The following AGAP1 variants were observed in gnomAD, a reference collection of about 807,000 sequenced individuals.
AGAP1 encodes the protein ArfGAP with GTPase domain, ankyrin repeat and PH domain 1, also known as arf-GAP with GTPase, ANK repeat and PH domain-containing protein 1.
AGAP1 carries 29 observed loss-of-function variants against 105.3 expected under a neutral mutation model. The observed-to-expected ratio is 0.28, with a 90% confidence interval of 0.21 to 0.38. The LOEUF (loss-of-function observed/expected upper bound fraction) is 0.38. Among genes scored for constraint, AGAP1 ranks in the 10% least tolerant of loss-of-function variants. AGAP1 has a pLI of 1.00. For missense variants in AGAP1, 998 were observed against 1,165.1 expected (o/e 0.86, Z 2.09); for synonymous variants, 509 against 485.9 (o/e 1.05, Z -0.63).
intron 6 of AGAP1, among the ~76,000 whole-genome samples, chr2:235,790,205 A>G (rs1956891322): frequency 6.6e-6 from 1 of 152,134 alleles, no homozygotes; most frequent in African/African-American, 2.4e-5. Context: ...CATTAAAGAA[A>G]TTTTCGGAGT....
At chr2:235,502,698 GC>G (rs1210923205) in intron 1 of AGAP1, among the ~76,000 whole-genome samples, 1 of 100,580 alleles carries the variant, frequency 9.9e-6, no homozygotes, top group African/African-American at 4.2e-5. Context: ...CTTTTTATTT[GC>G]CTTTTTTTTT....
chr2:236,041,573 T>C (rs542967707), intron 15 of AGAP1, among the ~76,000 whole-genome samples: 12 of 152,354 alleles, frequency 7.9e-5, no homozygotes, highest in African/African-American at 2.2e-4. Flanking sequence ...TAGGGACTTA[T>C]TTTCATGGTT....
rs1575276048 is a variant in AGAP1 at position 235,737,455 on chromosome 2, G to A, written c.311-3508G>A. ...TCCTTTTAGAGGCAATGAAAGTTGGGCCTGGAGTCCTTTGCTTGAGATCAC... is the reference window on the plus strand; with the variant it reads ...TCCTTTTAGAGGCAATGAAAGTTGGACCTGGAGTCCTTTGCTTGAGATCAC... On this transcript the variant is annotated intron_variant, in intron 3 of 17. Coordinates refer to ENST00000304032, the MANE Select transcript of AGAP1 (RefSeq NM_001037131.3). This position sits in a 1 kb window ranked among gnomAD's most constrained non-coding sequence, Gnocchi z 4.5. 6.6e-6 allele frequency among the ~76,000 whole-genome samples: 1 copy of A among 152,302 alleles called. No individual in the cohort carries two copies. The highest frequency in any genetic ancestry group is 1.9e-4 in the East Asian group (1 of 5,162).
At chr2:235,985,073 T>C (rs975980110) in intron 13 of AGAP1, among the ~76,000 whole-genome samples, 28 of 152,202 alleles carry the variant, frequency 1.8e-4, no homozygotes, top group Admixed American at 1.6e-3. Flanking sequence ...CCACCAACAG[T>C]GTAAAAGCAT....
chr2:235,708,918 G>T (rs1950685721), intron 1 of AGAP1, among the ~76,000 whole-genome samples: 1 of 152,182 alleles, frequency 6.6e-6, no homozygotes, highest in African/African-American at 2.4e-5. Context: ...AAAATGGAAA[G>T]TTCGATTTTC....
intron 13 of AGAP1, among the ~76,000 whole-genome samples, chr2:235,990,651 G>A (rs1016197626): frequency 2.0e-5 from 3 of 152,218 alleles, no homozygotes; most frequent in South Asian, 4.2e-4. Flanking sequence ...CTGTGACCTT[G>A]CCTCAGAGGA....
chr2:235,653,726 C>A (rs1947684968), intron 1 of AGAP1, among the ~76,000 whole-genome samples: 1 of 152,154 alleles, frequency 6.6e-6, no homozygotes, highest in African/African-American at 2.4e-5. Context: ...AGCCAGCCTA[C>A]ATGCAAGTTT....
chr2:235,809,136 CG>C (rs1957994179), intron 9 of AGAP1, among the ~76,000 whole-genome samples: 1 of 151,962 alleles, frequency 6.6e-6, no homozygotes, highest in African/African-American at 2.4e-5. Context: ...ACCAGCCTGG[CG>C]GGAGTCCCTC....
At chr2:235,776,173 A>G (rs892416408) in intron 6 of AGAP1, among the ~76,000 whole-genome samples, 1 of 152,174 alleles carries the variant, frequency 6.6e-6, no homozygotes, top group Non-Finnish European at 1.5e-5. Context: ...TTCTGGTCAC[A>G]GTGTCTAGGA....
At chr2:235,748,979 C>T (rs780625644) in intron 5 of AGAP1, among the ~76,000 whole-genome samples, 4 of 152,130 alleles carry the variant, frequency 2.6e-5, no homozygotes, top group South Asian at 2.1e-4. Context: ...GAGGCCCAGG[C>T]GGGTGGATCA....
chr2:235,634,743 C>T (rs1462642948), intron 1 of AGAP1, among the ~76,000 whole-genome samples: 1 of 152,122 alleles, frequency 6.6e-6, no homozygotes, highest in Non-Finnish European at 1.5e-5. Context: ...TAGTTTGAAA[C>T]TGAGAACACT....
chr2:236,072,550 T>C (rs921364013), intron 16 of AGAP1: 2 of 152,352 alleles, frequency 1.3e-5, no homozygotes, highest in African/African-American at 4.8e-5. Flanking sequence ...GGGCTCCTCC[T>C]GCCTCAGCTG....
At position 235,843,105 on chromosome 2, in the gene AGAP1, TG is replaced by T. The variant is rs1294638915; in HGVS notation, c.1050+35775del. Among the ~76,000 whole-genome samples the T allele has an allele frequency of 2.0e-5, 3 of 152,210 alleles. No individual in the cohort carries two copies. The highest frequency in any genetic ancestry group is 6.5e-5 in the Admixed American group (1 of 15,286). The stretch of plus-strand genomic sequence containing the variant: ...GTGCTCATTGTCCTGTTGCCACCCT[TG>T]TCGGTTTTTCACCCTGCAGCCCTTT... On this transcript the variant is annotated intron_variant, in intron 9 of 17. Transcript: ENST00000304032. The surrounding 1 kb of genome is among the most constrained non-coding windows in gnomAD (Gnocchi z 5.9).
chr2:235,501,267 C>T (rs1029772329), intron 1 of AGAP1, among the ~76,000 whole-genome samples: 2 of 152,184 alleles, frequency 1.3e-5, no homozygotes, highest in Non-Finnish European at 2.9e-5. Context: ...CAGCTGATGT[C>T]CATTTCCTTC....
At position 236,020,710 on chromosome 2, in the gene AGAP1, G is replaced by T. The variant is rs531147695; in HGVS notation, c.1646-15851G>T. Among the ~76,000 whole-genome samples the T allele has an allele frequency of 4.6e-5, 7 of 152,346 alleles. No homozygotes were observed. In the East Asian group the frequency reaches 5.8e-4, roughly 13 times the overall value. On this transcript the variant is annotated intron_variant, in intron 13 of 17. Transcript: ENST00000304032. The surrounding 1 kb of genome is among the most constrained non-coding windows in gnomAD (Gnocchi z 5.0). Reference sequence around the variant, plus strand: ...GCACATAGGGAAGCTGGCCGCCGTGGCTGCTATTAAATTGCTATACAGACT... The same window carrying T: ...GCACATAGGGAAGCTGGCCGCCGTGTCTGCTATTAAATTGCTATACAGACT...
rs2056169505 is a variant in AGAP1 at position 236,002,589 on chromosome 2, C to T, written c.1645+33966C>T. Among the ~76,000 whole-genome samples, 1 of 152,130 alleles carries T rather than the reference C, an allele frequency of 6.6e-6. No homozygotes were observed. The highest frequency in any genetic ancestry group is 1.5e-5 in the Non-Finnish European group (1 of 68,040). ...CTTGGAAAGAATTACTTCATGCATT[C>T]CTGTTCATTGGCGGTCTTTGGCCTT... On this transcript the variant is annotated intron_variant, in intron 13 of 17. Transcript: ENST00000304032. The surrounding 1 kb of genome is among the most constrained non-coding windows in gnomAD (Gnocchi z 4.3).
intron 1 of AGAP1, among the ~76,000 whole-genome samples, chr2:235,522,122 C>T (rs1942645827): frequency 6.6e-6 from 1 of 152,116 alleles, no homozygotes. Flanking sequence ...CCTCAAGAGG[C>T]TTAGAGTCTG....
chr2:235,714,188 A>AT lies in AGAP1; in HGVS notation c.223-3362dup, dbSNP rs1303684182. ...ACCACCACAGCTGGCTAATTTTTATATTTTTTTAGTTGAGACAGGGTTTCA... is the reference window on the plus strand; with the variant it reads ...ACCACCACAGCTGGCTAATTTTTATATTTTTTTTAGTTGAGACAGGGTTTCA... On this transcript the variant is annotated intron_variant, in intron 2 of 17. Transcript: ENST00000304032. The surrounding 1 kb of genome is among the most constrained non-coding windows in gnomAD (Gnocchi z 4.1). 4.6e-5 allele frequency among the ~76,000 whole-genome samples: 7 copies of AT among 151,398 alleles called. No individual in the cohort carries two copies. The highest frequency in any genetic ancestry group is 2.0e-4 in the East Asian group (1 of 5,074).
chr2:235,891,570 A>G lies in AGAP1; in HGVS notation c.1155+8121A>G, dbSNP rs368330300. Among the ~76,000 whole-genome samples the G allele has an allele frequency of 6.6e-6, 1 of 152,176 alleles. No homozygotes were observed. Among genetic ancestry groups the G allele is most frequent in the East Asian group, 1.9e-4 (1 of 5,184 alleles). On this transcript the variant is annotated intron_variant, in intron 10 of 17. Coordinates refer to ENST00000304032, the MANE Select transcript of AGAP1 (RefSeq NM_001037131.3). The surrounding 1 kb of genome is among the most constrained non-coding windows in gnomAD (Gnocchi z 4.2). Reference sequence around the variant, plus strand: ...CTTGGACCTCAGGGCTTCACAGTTCAGCGTGGCCACCTATTCATCTTCCAT... The same window carrying G: ...CTTGGACCTCAGGGCTTCACAGTTCGGCGTGGCCACCTATTCATCTTCCAT...
Sources: gnomAD v4.1 joint callset for allele counts (sites outside exome capture counted in the v4.1 genomes callset) on GRCh38, gnomAD v4.1.1 for gene constraint, Gnocchi (gnomAD v3.1) non-coding constraint, MANE v1.5 for transcripts, NCBI Gene and HGNC (gene_info 2026-07-23, HGNC 2026-07-21) for gene names.